Variants in TDRD7 observed in about 807,000 individuals in gnomAD.
The protein encoded by TDRD7 is tudor domain containing 7.
In TDRD7, 47 loss-of-function variants were observed where a neutral mutation model predicts 109.8. The ratio of observed to expected loss-of-function variants is 0.43; its 90% CI spans 0.34 to 0.55. The LOEUF is 0.55. TDRD7 is among the 20% of genes least tolerant of loss of function. TDRD7 has a pLI of 0.03. For synonymous variants in TDRD7, 424 were observed against 457.3 expected, an observed-to-expected ratio of 0.93 and a Z score of 0.93; for missense variants, 1,164 against 1,319.2, an observed-to-expected ratio of 0.88 and a Z score of 1.82.
At chr9:97,491,047 C>T (rs1829301100) in intron 16 of TDRD7, among the ~76,000 whole-genome samples, 1 of 151,606 alleles carries the variant, frequency 6.6e-6, no homozygotes. Flanking sequence ...TCCTGAGTAG[C>T]TAGGACTACA....
intron 14 of TDRD7, among the ~76,000 whole-genome samples, chr9:97,481,448 A>G (rs773253843): frequency 2.0e-5 from 3 of 152,076 alleles, no homozygotes; most frequent in Non-Finnish European, 4.4e-5. Flanking sequence ...GTACTTTTGC[A>G]TCTTTAAATC....
chr9:97,486,544 T>C (rs1276486782), intron 15 of TDRD7, among the ~76,000 whole-genome samples: 1 of 152,124 alleles, frequency 6.6e-6, no homozygotes, highest in Non-Finnish European at 1.5e-5. Flanking sequence ...AATGACCTTG[T>C]CATAATTAAA....
intron 15 of TDRD7, among the ~76,000 whole-genome samples, chr9:97,484,771 A>T (rs1829183593): frequency 6.6e-6 from 1 of 152,204 alleles, no homozygotes; most frequent in Non-Finnish European, 1.5e-5. Context: ...GGTTTGCCTC[A>T]ATCAGAGCTC....
At chr9:97,482,253 C>G (rs187852820) in intron 14 of TDRD7, among the ~76,000 whole-genome samples, 1 of 152,126 alleles carries the variant, frequency 6.6e-6, no homozygotes, top group African/African-American at 2.4e-5. Flanking sequence ...TTTTTCTCCC[C>G]AGGTCCCTCT....
intron 16 of TDRD7, among the ~76,000 whole-genome samples, chr9:97,488,179 T>G (rs1245730431): frequency 6.6e-6 from 1 of 152,228 alleles, no homozygotes; most frequent in African/African-American, 2.4e-5. Flanking sequence ...AACAGCTGGA[T>G]GAAGCTCAAC....
intron 16 of TDRD7, among the ~76,000 whole-genome samples, chr9:97,489,878 T>C (rs757759717): frequency 6.6e-6 from 1 of 152,184 alleles, no homozygotes; most frequent in Non-Finnish European, 1.5e-5. Context: ...TTAGAACTAA[T>C]CCATGTCTAC....
intron 13 of TDRD7, among the ~76,000 whole-genome samples, chr9:97,479,700 G>A (rs1829082411): frequency 6.6e-6 from 1 of 152,170 alleles, no homozygotes; most frequent in Non-Finnish European, 1.5e-5. Flanking sequence ...CTGATGGACT[G>A]TAAGCCAAAG....
In TDRD7 at chr9:97,460,213, T is replaced by C. The variant is rs973890265; in HGVS notation, c.891T>C (p.Leu297=). Reference sequence around the variant, plus strand: ...CTTGCAGTGGTGGCCAAGATTTACTTCTTTATCCAGCTAAGAGAAAGCAGC... The same window carrying C: ...CTTGCAGTGGTGGCCAAGATTTACTCCTTTATCCAGCTAAGAGAAAGCAGC... ...EKPCSGGQDL[L]LYPAKRKQLL... Residue 297 remains leucine, a synonymous_variant, in exon 7 of 17, where the codon CTT becomes CTC. Transcript: ENST00000355295. 1 of 1,614,094 alleles carries C rather than the reference T, an allele frequency of 6.2e-7. No homozygotes were observed. The highest frequency in any genetic ancestry group is 8.5e-7 in the Non-Finnish European group (1 of 1,180,040).
chr9:97,493,141 G>A (rs755852937), intron 16 of TDRD7, among the ~76,000 whole-genome samples: 11 of 152,104 alleles, frequency 7.2e-5, no homozygotes, highest in East Asian at 3.9e-4. Flanking sequence ...CCCCTTACTC[G>A]CTCACAAATG....
intron 9 of TDRD7, among the ~76,000 whole-genome samples, chr9:97,471,138 A>G (rs958139518): frequency 1.3e-5 from 2 of 152,170 alleles, no homozygotes; most frequent in Non-Finnish European, 2.9e-5. Flanking sequence ...TAGTAGATGT[A>G]TCATTGTTCT....
At chr9:97,486,466 A>ACTC (rs1212276851) in intron 15 of TDRD7, among the ~76,000 whole-genome samples, 1 of 146,252 alleles carries the variant, frequency 6.8e-6, no homozygotes, top group South Asian at 2.2e-4. Flanking sequence ...CCTCCCTCAT[A>ACTC]CTCCTCTACC....
intron 1 of TDRD7, among the ~76,000 whole-genome samples, chr9:97,414,934 T>G (rs1297586172): frequency 6.6e-6 from 1 of 152,206 alleles, no homozygotes; most frequent in African/African-American, 2.4e-5. Flanking sequence ...ATAAGGAGCT[T>G]GGGTTAGCCT....
chr9:97,462,181 C>T (rs936544986), intron 7 of TDRD7, among the ~76,000 whole-genome samples: 10 of 152,200 alleles, frequency 6.6e-5, no homozygotes, highest in South Asian at 2.1e-4. Context: ...GAAACTTACA[C>T]GGCAGGATCC....
At chr9:97,491,387 A>G (rs1829306317) in intron 16 of TDRD7, among the ~76,000 whole-genome samples, 1 of 152,178 alleles carries the variant, frequency 6.6e-6, no homozygotes, top group African/African-American at 2.4e-5. Context: ...TTCCTGCCAT[A>G]TTTGACTCTG....
Position 97,478,432 on chromosome 9 carries a change from A to G in TDRD7, c.2167-7A>G. On this transcript the variant is annotated splice_polypyrimidine_tract_variant and splice_region_variant and intron_variant, in intron 12 of 16. Transcript: ENST00000355295. ...TAATAAATGAGCCAACACTTATCTC[A>G]TTTCAGATCACAAATGTTCACAGCA... 3.7e-6 allele frequency: 6 copies of G among 1,613,264 alleles called. No individual in the cohort carries two copies. Among genetic ancestry groups the G allele is most frequent in the Non-Finnish European group, 5.1e-6 (6 of 1,179,306 alleles).
chr9:97,413,394 G>A (rs1410136626), intron 1 of TDRD7, among the ~76,000 whole-genome samples: 1 of 152,012 alleles, frequency 6.6e-6, no homozygotes, highest in Non-Finnish European at 1.5e-5. Context: ...TTTTCTATGT[G>A]TCAAATAGAG....
At chr9:97,460,812 C>T (rs772012019) in intron 7 of TDRD7, 48 bp downstream of exon 7, 8 of 1,517,858 alleles carry the variant, frequency 5.3e-6, no homozygotes, top group Non-Finnish European at 9.1e-7. Context: ...ACTTTTGTCA[C>T]TTGTCTATTC....
chr9:97,463,375 G>GTTTTT (rs199582339), intron 7 of TDRD7, among the ~76,000 whole-genome samples: 4 of 143,316 alleles, frequency 2.8e-5, no homozygotes, highest in East Asian at 2.1e-4. Flanking sequence ...GACTTTCTGA[G>GTTTTT]TTTTGTTTTT....
chr9:97,418,072 C>T (rs192019073), intron 1 of TDRD7, among the ~76,000 whole-genome samples: 6 of 152,218 alleles, frequency 3.9e-5, no homozygotes, highest in African/African-American at 9.6e-5. Context: ...TTGCAGTGAG[C>T]GGAGATCACG....
Sources: allele counts gnomAD v4.1 joint callset (sites outside exome capture counted in the v4.1 genomes callset), GRCh38; gene constraint gnomAD v4.1.1; transcripts MANE v1.5; gene names NCBI Gene and HGNC (gene_info 2026-07-23, HGNC 2026-07-21).